NF1: variants seen among roughly 807,000 people sequenced by gnomAD.
NF1 encodes neurofibromin 1.
In NF1, 122 loss-of-function variants were observed where a neutral mutation model predicts 325.7. The observed-to-expected ratio is 0.37, with a 90% CI of 0.32 to 0.44. The LOEUF is 0.44. Among genes scored for constraint, NF1 ranks in the 20% least tolerant of loss-of-function variants. The probability of loss-of-function intolerance (pLI) is 1.00; values close to 1 mark genes in which losing one functional copy is unlikely to be tolerated. For missense variants in NF1, 2,140 were observed against 3,415.4 expected, an observed-to-expected ratio of 0.63 and a Z score of 9.31; for synonymous variants, 1,091 against 1,186.0, an observed-to-expected ratio of 0.92 and a Z score of 1.65.
At chr17:31,190,781 T>A (rs1177108571) in intron 8 of NF1, among the ~76,000 whole-genome samples, 1 of 152,224 alleles carries the variant, frequency 6.6e-6, no homozygotes, top group East Asian at 1.9e-4. Flanking sequence ...TCCCCAATAG[T>A]TGCAGCAGGT....
chr17:31,345,262 A>AAG (rs1436099863), intron 48 of NF1, among the ~76,000 whole-genome samples: 1 of 152,238 alleles, frequency 6.6e-6, no homozygotes, highest in East Asian at 1.9e-4. Context: ...GGGCTCTTAG[A>AAG]GCATATACTT....
intron 1 of NF1, among the ~76,000 whole-genome samples, chr17:31,105,803 C>T (rs1319110851): frequency 5.9e-5 from 9 of 152,290 alleles, no homozygotes; most frequent in Admixed American, 1.3e-4. Context: ...CATGAGCCAC[C>T]GTGCCCGGCT....
intron 3 of NF1, among the ~76,000 whole-genome samples, chr17:31,160,499 A>T (rs2065743968): frequency 6.6e-6 from 1 of 152,186 alleles, no homozygotes; most frequent in Admixed American, 6.5e-5. Flanking sequence ...TTGTTTTAGC[A>T]TGGTATTTTC....
At chr17:31,243,751 C>T (rs1263325903) in intron 29 of NF1, among the ~76,000 whole-genome samples, 3 of 151,828 alleles carry the variant, frequency 2.0e-5, no homozygotes, top group South Asian at 2.1e-4. Flanking sequence ...GGAAAGTTTT[C>T]CAGGAGCCAA....
intron 17 of NF1, among the ~76,000 whole-genome samples, chr17:31,225,630 C>T (rs1446308630): frequency 6.6e-6 from 1 of 152,150 alleles, no homozygotes; most frequent in African/African-American, 2.4e-5. Context: ...TACAGATTTA[C>T]AGGGATAAAA....
intron 29 of NF1, among the ~76,000 whole-genome samples, chr17:31,242,599 G>C (rs771299822): frequency 2.0e-5 from 3 of 152,054 alleles, no homozygotes; most frequent in Non-Finnish European, 4.4e-5. Flanking sequence ...CAGTATGTCA[G>C]CTGCATTTTT....
At chr17:31,217,313 T>C (rs1482951382) in intron 13 of NF1, among the ~76,000 whole-genome samples, 3 of 6,690 alleles carry the variant, frequency 4.5e-4, no homozygotes, top group Non-Finnish European at 7.4e-4. Flanking sequence ...TCATATATTC[T>C]TCTTTTTTTT....
In NF1 at chr17:31,095,034, G is replaced by A. The variant is rs1396063171; in HGVS notation, c.-276G>A. 6.9e-6 allele frequency: 4 copies of A among 582,194 alleles called. No homozygotes were observed. The highest frequency in any genetic ancestry group is 1.2e-5 in the Non-Finnish European group (4 of 326,506). 36.1% of individuals were successfully genotyped at this position (582,194 alleles called of 1,614,324 possible). A position where few individuals can be genotyped will look rare whatever the true frequency, so the allele number is the denominator to read the frequency against. Reference sequence around the variant, plus strand: ...ACTGTGATGGCTGTGGGGAGACGGCGCTAGTGGGGAGAGCGACCAAGAGGC... The same window carrying A: ...ACTGTGATGGCTGTGGGGAGACGGCACTAGTGGGGAGAGCGACCAAGAGGC... On this transcript the variant is annotated 5_prime_UTR_variant, in exon 1 of 58. Coordinates refer to ENST00000358273, the MANE Select transcript of NF1 (RefSeq NM_001042492.3).
rs777148296 is a variant in NF1 at position 31,365,056 on chromosome 17, T to C, written c.8377+4353T>C. ...GCTCACGCCTGTAATCCTAACACTT[T>C]TGGGAGGCCGAGGCAGGTGGATTGC... is the stretch of plus-strand genomic sequence containing the variant. On this transcript the variant is annotated intron_variant, in intron 57 of 57. Coordinates refer to ENST00000358273, the MANE Select transcript of NF1 (RefSeq NM_001042492.3). Among the ~76,000 whole-genome samples, 55 of 151,870 alleles carry C rather than the reference T, an allele frequency of 3.6e-4. 1 individual carries two copies. The highest frequency in any genetic ancestry group is 6.8e-4 in the Non-Finnish European group (46 of 67,950).
intron 36 of NF1, among the ~76,000 whole-genome samples, chr17:31,315,235 G>A (rs1480546056): frequency 6.6e-6 from 1 of 152,026 alleles, no homozygotes; most frequent in Admixed American, 6.6e-5. Context: ...TAAATAAGAA[G>A]TTAACTAAAG....
At chr17:31,235,799 G>A (rs1567852680) in intron 28 of NF1, 27 bp downstream of exon 28, 1 of 1,613,974 alleles carries the variant, frequency 6.2e-7, no homozygotes, top group Admixed American at 1.7e-5. Flanking sequence ...TTGTGTGTAT[G>A]TGTGTGCTGA....
At chr17:31,185,711 A>T (rs1194069490) in intron 8 of NF1, among the ~76,000 whole-genome samples, 2 of 152,158 alleles carry the variant, frequency 1.3e-5, no homozygotes, top group Non-Finnish European at 1.5e-5. Context: ...TGACCCAAAG[A>T]ACTGCCAGTT....
chr17:31,222,639 G>C (rs2066945666), intron 15 of NF1: 1 of 572,498 alleles, frequency 1.7e-6, no homozygotes, highest in Admixed American at 6.1e-5. Flanking sequence ...AAAGAAGCAG[G>C]TAAAATTAAT....
chr17:31,133,916 C>A (rs977206891), intron 1 of NF1, among the ~76,000 whole-genome samples: 2 of 152,220 alleles, frequency 1.3e-5, no homozygotes, highest in Admixed American at 6.5e-5. Flanking sequence ...CTCGGCCTCC[C>A]AAAATGTTGG....
At chr17:31,129,795 T>G (rs576173191) in intron 1 of NF1, among the ~76,000 whole-genome samples, 3 of 152,282 alleles carry the variant, frequency 2.0e-5, no homozygotes, top group South Asian at 4.1e-4. Flanking sequence ...TACTGGCTAT[T>G]TTGTCTGTCA....
chr17:31,367,106 C>A, intron 57 of NF1: 2 of 386,916 alleles, frequency 5.2e-6, no homozygotes, highest in Non-Finnish European at 4.3e-6. Flanking sequence ...TAATTAAAAC[C>A]AGATTCCTTC....
chr17:31,357,228 A>G (rs1438184436), intron 53 of NF1, 41 bp from the exon 54 acceptor site: 2 of 1,602,550 alleles, frequency 1.2e-6, no homozygotes, highest in Non-Finnish European at 1.7e-6. Flanking sequence ...TTCAGCCACA[A>G]AGTAAAAATG....
At chr17:31,181,059 A>G (rs1259481204) in intron 5 of NF1, among the ~76,000 whole-genome samples, 1 of 152,242 alleles carries the variant, frequency 6.6e-6, no homozygotes, top group Non-Finnish European at 1.5e-5. Context: ...GGACCTCTTC[A>G]AGGAGAACTA....
chr17:31,225,329 T>A (rs2144029023), intron 17 of NF1, 79 bp downstream of exon 17: 2 of 1,472,086 alleles, frequency 1.4e-6, no homozygotes, highest in Non-Finnish European at 1.9e-6. Flanking sequence ...AAATTTCATC[T>A]AGGTAATATA....
Sources: gnomAD v4.1 joint callset for allele counts (sites outside exome capture counted in the v4.1 genomes callset) on GRCh38, gnomAD v4.1.1 for gene constraint, MANE v1.5 for transcripts, NCBI Gene and HGNC (gene_info 2026-07-23, HGNC 2026-07-21) for gene names.